The following NOS1AP variants were observed in gnomAD, a reference collection of about 807,000 sequenced individuals.
NOS1AP encodes carboxyl-terminal PDZ ligand of neuronal nitric oxide synthase protein.
A neutral mutation model predicts 56.2 loss-of-function variants in NOS1AP; 21 were observed. That is an observed-to-expected ratio of 0.37 (90% CI 0.26 to 0.54). NOS1AP has a LOEUF of 0.54. Ranked by LOEUF, NOS1AP falls within the 20% of genes least tolerant of loss-of-function variation. NOS1AP has a pLI of 0.84. For synonymous variants in NOS1AP, 270 were observed against 274.6 expected (o/e 0.98, Z 0.17); for missense variants, 522 against 657.8 (o/e 0.79, Z 2.26).
intron 2 of NOS1AP, among the ~76,000 whole-genome samples, chr1:162,269,496 T>A (rs1654520777): frequency 6.6e-6 from 1 of 152,224 alleles, no homozygotes; most frequent in South Asian, 2.1e-4. Flanking sequence ...TTTTGAAAAT[T>A]AATCTTAATG....
chr1:162,070,554 G>A (rs745880776), intron 1 of NOS1AP, among the ~76,000 whole-genome samples: 10 of 152,202 alleles, frequency 6.6e-5, no homozygotes, highest in Non-Finnish European at 1.5e-4. Flanking sequence ...CCTAGGACTG[G>A]ATTGAGTTAC....
intron 5 of NOS1AP, among the ~76,000 whole-genome samples, chr1:162,339,808 A>G (rs181539391): frequency 1.3e-5 from 2 of 152,362 alleles, no homozygotes; most frequent in Non-Finnish European, 1.5e-5. Flanking sequence ...GGCAGGAGCC[A>G]GCATGGCTGT....
intron 2 of NOS1AP, among the ~76,000 whole-genome samples, chr1:162,161,777 C>CAA (rs1299188072): frequency 2.0e-5 from 3 of 152,074 alleles, no homozygotes; most frequent in Non-Finnish European, 2.9e-5. Flanking sequence ...ATGGGGTCTC[C>CAA]CTATGTTGCC....
intron 2 of NOS1AP, among the ~76,000 whole-genome samples, chr1:162,185,996 G>T (rs570151547): frequency 2.2e-4 from 34 of 152,326 alleles, no homozygotes; most frequent in African/African-American, 8.2e-4. Flanking sequence ...GGTTAGAAAA[G>T]CAAAGTCTTC....
intron 2 of NOS1AP, among the ~76,000 whole-genome samples, chr1:162,245,490 A>G (rs561167981): frequency 2.8e-4 from 42 of 152,346 alleles, no homozygotes; most frequent in Non-Finnish European, 4.9e-4. Flanking sequence ...AATGTTAAAC[A>G]TACACCTACC....
chr1:162,111,006 G>A (rs1400222124), intron 1 of NOS1AP, among the ~76,000 whole-genome samples: 1 of 152,202 alleles, frequency 6.6e-6, no homozygotes, highest in Non-Finnish European at 1.5e-5. Context: ...CTCAGGCACT[G>A]GGGATACAGT....
intron 1 of NOS1AP, among the ~76,000 whole-genome samples, chr1:162,094,019 T>C (rs750282141): frequency 2.0e-5 from 3 of 152,242 alleles, no homozygotes; most frequent in African/African-American, 7.2e-5. Context: ...CTGTGACTTA[T>C]TAAGACCTCA....
chr1:162,234,206 T>C (rs2101672733), intron 2 of NOS1AP, among the ~76,000 whole-genome samples: 1 of 152,214 alleles, frequency 6.6e-6, no homozygotes, highest in South Asian at 2.1e-4. Flanking sequence ...ATCATTCCAG[T>C]ACATGAAGAT....
chr1:162,359,856 C>T (rs1657834779), intron 8 of NOS1AP, among the ~76,000 whole-genome samples: 1 of 152,184 alleles, frequency 6.6e-6, no homozygotes, highest in Non-Finnish European at 1.5e-5. Flanking sequence ...GTGAGTAAAA[C>T]TATGACCTCA....
intron 2 of NOS1AP, among the ~76,000 whole-genome samples, chr1:162,239,238 G>A (rs891596147): frequency 5.9e-5 from 9 of 152,154 alleles, no homozygotes; most frequent in Admixed American, 5.2e-4. Context: ...GCTGATGTGG[G>A]CAGGTGCCTC....
intron 1 of NOS1AP, among the ~76,000 whole-genome samples, chr1:162,071,435 C>T (rs1691657477): frequency 6.6e-6 from 1 of 152,096 alleles, no homozygotes; most frequent in African/African-American, 2.4e-5. Context: ...TGACATGTGC[C>T]CAGTGTGGTC....
At chr1:162,365,147 C>T in intron 8 of NOS1AP, 2 of 1,412,148 alleles carry the variant, frequency 1.4e-6, no homozygotes, top group South Asian at 1.5e-5. Context: ...GCCTCTTGCC[C>T]TTGGTATGGG....
intron 2 of NOS1AP, among the ~76,000 whole-genome samples, chr1:162,193,468 G>A (rs1240050083): frequency 1.3e-5 from 2 of 152,218 alleles, no homozygotes; most frequent in African/African-American, 4.8e-5. Context: ...GGAATGGCCT[G>A]AGAGTTAGAA....
intron 1 of NOS1AP, among the ~76,000 whole-genome samples, chr1:162,102,313 G>A (rs1337343325): frequency 6.6e-6 from 1 of 152,200 alleles, no homozygotes; most frequent in African/African-American, 2.4e-5. Flanking sequence ...GATCGTGGTG[G>A]ATAAGCTTTT....
In NOS1AP at chr1:162,232,730, A is replaced by G. The variant is rs113559977; in HGVS notation, c.178-54614A>G. Among the ~76,000 whole-genome samples the G allele has an allele frequency of 2.8e-3, 420 of 152,304 alleles. 1 individual carries two copies. The highest frequency in any genetic ancestry group is 9.8e-3 in the African/African-American group (406 of 41,562). On this transcript the variant is annotated intron_variant, in intron 2 of 9. Coordinates refer to ENST00000361897, the MANE Select transcript of NOS1AP (RefSeq NM_014697.3). ...ACCAACCCCAAATCTGAATATTAAA[A>G]AAATTTTAAAGCAAATAGTTATTTG...
intron 3 of NOS1AP, among the ~76,000 whole-genome samples, chr1:162,297,929 C>A (rs73021429): frequency 0.073 from 11,147 of 152,250 alleles, 487 homozygotes; most frequent in Middle Eastern, 0.13. Flanking sequence ...TTTCTTTTCA[C>A]CTCATATATC....
chr1:162,186,704 A>G (rs1651445500), intron 2 of NOS1AP, among the ~76,000 whole-genome samples: 1 of 152,192 alleles, frequency 6.6e-6, no homozygotes, highest in Non-Finnish European at 1.5e-5. Flanking sequence ...GCCATTTGCA[A>G]ACCAAGAAGC....
At chr1:162,297,535 G>A (rs1160294537) in intron 3 of NOS1AP, among the ~76,000 whole-genome samples, 8 of 152,086 alleles carry the variant, frequency 5.3e-5, no homozygotes, top group African/African-American at 1.7e-4. Flanking sequence ...GAGAGCTTCC[G>A]GTTGAGGATT....
chr1:162,350,006 G>A (rs759786558), intron 6 of NOS1AP, among the ~76,000 whole-genome samples: 3 of 152,236 alleles, frequency 2.0e-5, no homozygotes, highest in Non-Finnish European at 2.9e-5. Flanking sequence ...TGCTAGGAAT[G>A]TGTTTCTTCT....
Sources: allele counts gnomAD v4.1 joint callset (sites outside exome capture counted in the v4.1 genomes callset), GRCh38; gene constraint gnomAD v4.1.1; transcripts MANE v1.5; gene names NCBI Gene and HGNC (gene_info 2026-07-23, HGNC 2026-07-21).